The following SRBD1 variants were observed in gnomAD, a reference collection of about 807,000 sequenced individuals.
SRBD1 encodes the protein S1 RNA binding domain 1.
Under a neutral mutation model 115.3 loss-of-function variants are expected in SRBD1, and 88 were observed. The observed-to-expected ratio is 0.76, with a 90% CI of 0.64 to 0.91. The LOEUF (loss-of-function observed/expected upper bound fraction) is 0.91, where lower values mean the gene tolerates loss of function less well. SRBD1 is among the 40% of genes least tolerant of loss of function. SRBD1 has a pLI of 0.00. For missense variants in SRBD1, 1,385 were observed against 1,177.4 expected, an observed-to-expected ratio of 1.18 and a Z score of -2.58; for synonymous variants, 509 against 407.7, an observed-to-expected ratio of 1.25 and a Z score of -2.99.
chr2:45,495,922 T>C (rs1670444713), intron 14 of SRBD1, among the ~76,000 whole-genome samples: 1 of 152,212 alleles, frequency 6.6e-6, no homozygotes, highest in African/African-American at 2.4e-5. Context: ...TCAACCCACC[T>C]GCCATCCCCA....
At chr2:45,541,840 G>C (rs1416481054) in intron 14 of SRBD1, among the ~76,000 whole-genome samples, 1 of 152,238 alleles carries the variant, frequency 6.6e-6, no homozygotes, top group African/African-American at 2.4e-5. Flanking sequence ...CTGAGTCCAG[G>C]GTTTTTATGG....
intron 14 of SRBD1, among the ~76,000 whole-genome samples, chr2:45,545,835 T>A (rs1366575779): frequency 6.6e-6 from 1 of 152,230 alleles, no homozygotes; most frequent in Non-Finnish European, 1.5e-5. Flanking sequence ...TTGGCACTCT[T>A]GACTATAATA....
chr2:45,431,517 A>G (rs1385948126), intron 16 of SRBD1, among the ~76,000 whole-genome samples: 3 of 152,180 alleles, frequency 2.0e-5, no homozygotes, highest in African/African-American at 7.2e-5. Context: ...CAGCAAACTA[A>G]CAAAGGAACA....
At chr2:45,577,053 T>C (rs1673201115) in intron 7 of SRBD1, among the ~76,000 whole-genome samples, 1 of 152,214 alleles carries the variant, frequency 6.6e-6, no homozygotes, top group South Asian at 2.1e-4. Flanking sequence ...GGAAATGAAG[T>C]ACTTCACGGA....
At chr2:45,419,239 C>T (rs1667927024) in intron 17 of SRBD1, among the ~76,000 whole-genome samples, 1 of 152,178 alleles carries the variant, frequency 6.6e-6, no homozygotes, top group South Asian at 2.1e-4. Flanking sequence ...TTTCATGCTG[C>T]ATTAGCAGAC....
At chr2:45,525,848 T>G (rs760203729) in intron 14 of SRBD1, among the ~76,000 whole-genome samples, 24 of 152,014 alleles carry the variant, frequency 1.6e-4, no homozygotes, top group Non-Finnish European at 3.4e-4. Flanking sequence ...ACATACAAAT[T>G]GCCAATAAGC....
At chr2:45,413,569 C>T (rs942268065) in intron 18 of SRBD1, among the ~76,000 whole-genome samples, 1 of 151,964 alleles carries the variant, frequency 6.6e-6, no homozygotes, top group Non-Finnish European at 1.5e-5. Flanking sequence ...AATAATATTT[C>T]CCAGAGCTAA....
intron 16 of SRBD1, among the ~76,000 whole-genome samples, chr2:45,465,989 T>G (rs903444971): frequency 6.6e-6 from 1 of 152,194 alleles, no homozygotes; most frequent in African/African-American, 2.4e-5. Flanking sequence ...TAATCTACCA[T>G]GCATTCATTC....
chr2:45,522,772 T>A (rs899526574), intron 14 of SRBD1, among the ~76,000 whole-genome samples: 2 of 152,196 alleles, frequency 1.3e-5, no homozygotes, highest in Non-Finnish European at 2.9e-5. Flanking sequence ...TTCTTACAAT[T>A]TTCTTAACAT....
Position 45,414,777 on chromosome 2 carries a change from C to CACACACACATGTGTATATAGTATGT in SRBD1, c.2334-1485_2334-1484insACATACTATATACACATGTGTGTGT, listed in dbSNP as rs1667742665. 6.4e-5 allele frequency among the ~76,000 whole-genome samples: 5 copies of CACACACACATGTGTATATAGTATGT among 78,736 alleles called. 1 individual carries two copies. The highest frequency in any genetic ancestry group is 2.5e-4 in the African/African-American group (5 of 19,974). 51.7% of individuals were successfully genotyped at this position (78,736 alleles called of 152,430 possible). A position where few individuals can be genotyped will look rare whatever the true frequency, so the allele number is the denominator to read the frequency against. On this transcript the variant is annotated intron_variant, in intron 18 of 20. Coordinates refer to ENST00000263736, the MANE Select transcript of SRBD1 (RefSeq NM_018079.5). Reference sequence around the variant, plus strand: ...ACACACAGTGTGTATATAGTATGTACACACACACATAGTGTGTATATAGTA... The same window carrying CACACACACATGTGTATATAGTATGT: ...ACACACAGTGTGTATATAGTATGTACACACACACATGTGTATATAGTATGTACACACACATAGTGTGTATATAGTA...
chr2:45,409,856 A>G (rs1204685100), intron 19 of SRBD1, among the ~76,000 whole-genome samples: 1 of 152,208 alleles, frequency 6.6e-6, no homozygotes, highest in Non-Finnish European at 1.5e-5. Flanking sequence ...GAAATAAAAG[A>G]TGACCTAAAT....
At chr2:45,586,900 G>A (rs1292005580) in intron 4 of SRBD1, among the ~76,000 whole-genome samples, 25 of 49,384 alleles carry the variant, frequency 5.1e-4, no homozygotes, top group Admixed American at 3.5e-3. Context: ...TAAAATCATT[G>A]GTATTTTAAA....
intron 4 of SRBD1, among the ~76,000 whole-genome samples, 170 bp downstream of exon 4, chr2:45,599,279 A>T (rs557759268): frequency 2.5e-4 from 38 of 152,348 alleles, no homozygotes; most frequent in African/African-American, 8.2e-4. Flanking sequence ...GCTACAACAC[A>T]AAACAGTGTA....
In SRBD1 at chr2:45,389,462, T is replaced by A; in HGVS notation, c.2836A>T (p.Ile946Phe). 6.2e-7 allele frequency: 1 copy of A among 1,614,106 alleles called. No individual in the cohort carries two copies. Among genetic ancestry groups the A allele is most frequent in the Non-Finnish European group, 8.5e-7 (1 of 1,179,964 alleles). ...VDIGVGKSGLIPIRNVTEAKL... is the reference protein window; with the variant it reads ...VDIGVGKSGLFPIRNVTEAKL... ...GCTTCTGTTACATTTCGTATGGGAA[T>A]CAGCCCAGATTTCCCCACTCCTATA... The change falls in exon 21 of 21, where the codon ATT becomes TTT. Residue 946 changes from isoleucine to phenylalanine, a missense_variant. Coordinates refer to ENST00000263736, the MANE Select transcript of SRBD1 (RefSeq NM_018079.5).
chr2:45,577,260 T>A (rs1673207888), intron 7 of SRBD1, among the ~76,000 whole-genome samples: 1 of 152,218 alleles, frequency 6.6e-6, no homozygotes, highest in African/African-American at 2.4e-5. Context: ...CTTCTGTGTT[T>A]TGAAAAAGCT....
At chr2:45,417,368 C>A (rs1407779846) in intron 18 of SRBD1, among the ~76,000 whole-genome samples, 1 of 152,116 alleles carries the variant, frequency 6.6e-6, no homozygotes, top group Non-Finnish European at 1.5e-5. Context: ...TTTACCCTAC[C>A]ATTTGAAATG....
In SRBD1 at chr2:45,588,508, T is replaced by A. The variant is rs192379520; in HGVS notation, c.649-2734A>T. 2.6e-5 allele frequency among the ~76,000 whole-genome samples: 4 copies of A among 152,350 alleles called. No homozygotes were observed. In the East Asian group the frequency reaches 7.7e-4, roughly 29 times the overall value. On this transcript the variant is annotated intron_variant, in intron 4 of 20. Coordinates refer to ENST00000263736, the MANE Select transcript of SRBD1 (RefSeq NM_018079.5). ...CTGTTTCCTGTTCCAGTCCACATCA[T>A]GTCATCTACCACAGAAACCTTAGGA...
At chr2:45,409,164 G>C (rs973354966) in intron 19 of SRBD1, among the ~76,000 whole-genome samples, 1 of 152,146 alleles carries the variant, frequency 6.6e-6, no homozygotes, top group Non-Finnish European at 1.5e-5. Context: ...TGAGGCTGCA[G>C]TGAGCCAAGA....
chr2:45,601,832 T>C (rs1183232421), intron 3 of SRBD1, 71 bp downstream of exon 3: 7 of 1,569,886 alleles, frequency 4.5e-6, no homozygotes, highest in South Asian at 1.2e-5. Flanking sequence ...TCCTACTCTG[T>C]AGAATAAGAA....
Sources: allele counts gnomAD v4.1 joint callset (sites outside exome capture counted in the v4.1 genomes callset), GRCh38; gene constraint gnomAD v4.1.1; transcripts MANE v1.5; gene names NCBI Gene and HGNC (gene_info 2026-07-23, HGNC 2026-07-21).